Variants in EPC2 observed in about 807,000 individuals in gnomAD.
EPC2 encodes the protein enhancer of polycomb homolog 2.
EPC2 carries 14 observed loss-of-function variants against 92.1 expected under a neutral mutation model. The ratio of observed to expected loss-of-function variants is 0.15; its 90% CI spans 0.10 to 0.24. The LOEUF is 0.24. Ranked by LOEUF, EPC2 falls within the 10% of genes least tolerant of loss-of-function variation. EPC2 has a pLI of 1.00. For missense variants in EPC2, 755 were observed against 971.5 expected (o/e 0.78, Z 2.96); for synonymous variants, 340 against 334.7 (o/e 1.02, Z -0.17).
intron 10 of EPC2, among the ~76,000 whole-genome samples, chr2:148,771,802 A>G (rs1375643645): frequency 6.9e-6 from 1 of 144,884 alleles, no homozygotes; most frequent in Non-Finnish European, 1.5e-5. Flanking sequence ...CCTGTGAATA[A>G]TTTTTTTTTT....
chr2:148,653,068 C>T (rs1680717841), intron 1 of EPC2, among the ~76,000 whole-genome samples: 1 of 152,114 alleles, frequency 6.6e-6, no homozygotes, highest in African/African-American at 2.4e-5. Context: ...AGAGAGTAGA[C>T]ACTTATTTCC....
chr2:148,660,221 G>A (rs1198158757), intron 1 of EPC2, among the ~76,000 whole-genome samples: 1 of 152,012 alleles, frequency 6.6e-6, no homozygotes, highest in Non-Finnish European at 1.5e-5. Flanking sequence ...AGAGAGGTTT[G>A]TTTTTTAAAA....
intron 3 of EPC2, among the ~76,000 whole-genome samples, chr2:148,750,350 A>G (rs1358608657): frequency 1.6e-4 from 25 of 152,008 alleles, no homozygotes. Flanking sequence ...TCGAATTTAC[A>G]CAGCTATTTT....
chr2:148,775,928 C>T (rs1683633837), intron 10 of EPC2, among the ~76,000 whole-genome samples: 2 of 151,588 alleles, frequency 1.3e-5, no homozygotes, highest in South Asian at 2.1e-4. Flanking sequence ...CAGGTGCCCA[C>T]CACCACACCT....
At chr2:148,781,555 A>G in intron 10 of EPC2, 89 bp from the exon 11 acceptor site, 1 of 1,216,992 alleles carries the variant, frequency 8.2e-7, no homozygotes, top group East Asian at 2.6e-5. Context: ...TTTCATCTTA[A>G]TTGTGGAATA....
chr2:148,735,421 G>C (rs1342813697), intron 2 of EPC2, among the ~76,000 whole-genome samples: 1 of 151,790 alleles, frequency 6.6e-6, no homozygotes, highest in Non-Finnish European at 1.5e-5. Flanking sequence ...TTTTTATGTA[G>C]ATTACCTTTT....
rs191616845 is a variant in EPC2, at chr2:148,767,586, C to A, written c.1141-1565C>A. Among the ~76,000 whole-genome samples the A allele has an allele frequency of 4.6e-4, 70 of 152,228 alleles. No homozygotes were observed. In the East Asian group the frequency reaches 9.1e-3, roughly 20 times the overall value. The stretch of plus-strand genomic sequence containing the variant: ...TATAAAATCAGGATTTTATTGCTGA[C>A]AAGATCATTAAAGTAATCATATTTT... On this transcript the variant is annotated intron_variant, in intron 7 of 13. Transcript: ENST00000258484.
At chr2:148,687,880 G>A (rs371322581) in intron 1 of EPC2, among the ~76,000 whole-genome samples, 1 of 152,034 alleles carries the variant, frequency 6.6e-6, no homozygotes, top group East Asian at 1.9e-4. Flanking sequence ...CTTATTATTT[G>A]GTATCTATCC....
chr2:148,701,247 T>C (rs1681881224), intron 2 of EPC2, among the ~76,000 whole-genome samples: 1 of 152,220 alleles, frequency 6.6e-6, no homozygotes, highest in Non-Finnish European at 1.5e-5. Flanking sequence ...CTGTATACTT[T>C]TTATTTCCTT....
intron 13 of EPC2, among the ~76,000 whole-genome samples, 198 bp from the exon 14 acceptor site, chr2:148,786,107 A>C (rs1040683037): frequency 1.3e-5 from 2 of 152,208 alleles, no homozygotes; most frequent in African/African-American, 4.8e-5. Context: ...CATAATAAAA[A>C]AATTAGGAAT....
rs188799480 is a variant in EPC2, at chr2:148,738,820, T to C, written c.314-4802T>C. ...ATACGTGGACATAAAATTTCAGCTTTATTACTAATAAAAGTGGTGTGGAAG... is the reference window on the plus strand; with the variant it reads ...ATACGTGGACATAAAATTTCAGCTTCATTACTAATAAAAGTGGTGTGGAAG... On this transcript the variant is annotated intron_variant, in intron 2 of 13. Coordinates refer to ENST00000258484, the MANE Select transcript of EPC2 (RefSeq NM_015630.4). Among the ~76,000 whole-genome samples, 244 of 152,346 alleles carry C rather than the reference T, an allele frequency of 1.6e-3. 2 individuals carry two copies. Among genetic ancestry groups the C allele is most frequent in the African/African-American group, 5.3e-3 (221 of 41,588 alleles).
chr2:148,658,607 G>GTGTATATATATATATATATATATATA (rs1168257662), intron 1 of EPC2, among the ~76,000 whole-genome samples: 1 of 141,262 alleles, frequency 7.1e-6, no homozygotes, highest in African/African-American at 2.6e-5. Context: ...GTGTGTGTGT[G>GTGTATATATATATATATATATATATA]TATATATATA....
intron 2 of EPC2, among the ~76,000 whole-genome samples, chr2:148,740,540 T>G (rs1176019373): frequency 6.6e-6 from 1 of 152,206 alleles, no homozygotes; most frequent in Non-Finnish European, 1.5e-5. Flanking sequence ...TTAATTTTTC[T>G]AAACTATTTC....
chr2:148,698,104 T>C (rs541309346), intron 2 of EPC2, among the ~76,000 whole-genome samples: 31 of 151,928 alleles, frequency 2.0e-4, no homozygotes, highest in African/African-American at 7.2e-4. Context: ...AGATAGCAAG[T>C]GATGTAAAGA....
chr2:148,722,616 G>A (rs989846849), intron 2 of EPC2, among the ~76,000 whole-genome samples: 10 of 152,128 alleles, frequency 6.6e-5, no homozygotes, highest in Admixed American at 2.0e-4. Context: ...GCAGCGTAGC[G>A]ATTTCTCAAA....
At chr2:148,679,137 G>T (rs576968218) in intron 1 of EPC2, among the ~76,000 whole-genome samples, 1 of 152,210 alleles carries the variant, frequency 6.6e-6, no homozygotes, top group Non-Finnish European at 1.5e-5. Flanking sequence ...GGAAAGTGAA[G>T]TATGTATCCA....
At chr2:148,707,895 G>A (rs1298761620) in intron 2 of EPC2, among the ~76,000 whole-genome samples, 2 of 152,170 alleles carry the variant, frequency 1.3e-5, no homozygotes, top group African/African-American at 4.8e-5. Context: ...AGAGAAAGCA[G>A]GAAAGATCTA....
intron 2 of EPC2, among the ~76,000 whole-genome samples, chr2:148,718,229 T>A (rs932659445): frequency 3.9e-5 from 6 of 152,210 alleles, no homozygotes; most frequent in Non-Finnish European, 8.8e-5. Context: ...TTGGGGCAGT[T>A]AGCCCATTTA....
intron 1 of EPC2, among the ~76,000 whole-genome samples, chr2:148,676,934 A>G (rs1681277084): frequency 6.6e-6 from 1 of 152,120 alleles, no homozygotes; most frequent in Non-Finnish European, 1.5e-5. Flanking sequence ...TTTTAAAGGA[A>G]AGGAAATCAC....
Sources: allele counts gnomAD v4.1 joint callset (sites outside exome capture counted in the v4.1 genomes callset), GRCh38; gene constraint gnomAD v4.1.1; transcripts MANE v1.5; gene names NCBI Gene and HGNC (gene_info 2026-07-23, HGNC 2026-07-21).